The following USH2A variants were observed in gnomAD, a reference collection of about 807,000 sequenced individuals.
USH2A encodes the protein usherin.
Under a neutral mutation model 538.9 loss-of-function variants are expected in USH2A, and 443 were observed. The ratio of observed to expected loss-of-function variants is 0.82; its 90% confidence interval spans 0.76 to 0.89. The LOEUF is 0.89. Among genes scored for constraint, USH2A ranks in the 40% least tolerant of loss-of-function variants. The probability of loss-of-function intolerance (pLI) is 0.00; values close to 1 mark genes in which losing one functional copy is unlikely to be tolerated. For missense variants in USH2A, 6,633 were observed against 6,324.8 expected, an observed-to-expected ratio of 1.05 and a Z score of -1.65; for synonymous variants, 2,413 against 2,273.5, an observed-to-expected ratio of 1.06 and a Z score of -1.75.
At chr1:215,972,706 T>C (rs2102460059) in intron 35 of USH2A, among the ~76,000 whole-genome samples, 1 of 152,314 alleles carries the variant, frequency 6.6e-6, no homozygotes, top group East Asian at 1.9e-4. Context: ...TAGTTTACCA[T>C]TCTGATAAGT....
At chr1:216,007,032 G>C (rs1668409617) in intron 32 of USH2A, among the ~76,000 whole-genome samples, 1 of 152,118 alleles carries the variant, frequency 6.6e-6, no homozygotes, top group South Asian at 2.1e-4. Context: ...TCCCCCTTCT[G>C]TTCTCATGGT....
chr1:215,784,352 C>G (rs1661731009), intron 52 of USH2A, among the ~76,000 whole-genome samples: 1 of 152,182 alleles, frequency 6.6e-6, no homozygotes, highest in Admixed American at 6.5e-5. Context: ...TCTACCTACC[C>G]TCAGATGGTC....
At chr1:216,253,060 C>T (rs1279903921) in intron 11 of USH2A, among the ~76,000 whole-genome samples, 4 of 151,330 alleles carry the variant, frequency 2.6e-5, no homozygotes, top group Non-Finnish European at 4.4e-5. Context: ...TACATGTAAA[C>T]AATACTTTTT....
At position 216,246,997 on chromosome 1, in the gene USH2A, T is replaced by C. The variant is rs1269352604; in HGVS notation, c.2397A>G (p.Thr799=). The change falls in exon 13 of 72, where the codon ACA becomes ACG. Residue 799 remains threonine, a synonymous_variant. Coordinates refer to ENST00000307340, the MANE Select transcript of USH2A (RefSeq NM_206933.4). ...VTNCKACDCD[T]AGSLPGTVCN... Reference sequence around the variant, plus strand: ...AGACAGTCCCAGGGAGGGATCCAGCTGTGTCACAGTCACAGGCCTTACAAT... The same window carrying C: ...AGACAGTCCCAGGGAGGGATCCAGCCGTGTCACAGTCACAGGCCTTACAAT... 1 of 1,614,108 alleles carries C rather than the reference T, an allele frequency of 6.2e-7. No homozygotes were observed. Among genetic ancestry groups the C allele is most frequent in the East Asian group, 2.2e-5 (1 of 44,848 alleles).
At chr1:215,713,724 T>C (rs1004052649) in intron 61 of USH2A, among the ~76,000 whole-genome samples, 1 of 152,268 alleles carries the variant, frequency 6.6e-6, no homozygotes, top group Admixed American at 6.5e-5. Flanking sequence ...TTGTTTTCTA[T>C]ATTTATACTA....
intron 3 of USH2A, among the ~76,000 whole-genome samples, chr1:216,404,702 G>A (rs528562205): frequency 7.0e-6 from 1 of 142,936 alleles, no homozygotes; most frequent in East Asian, 2.2e-4. Flanking sequence ...GCTCACAGCA[G>A]CCTCAACTTC....
chr1:215,639,874 C>T (rs1656618499), intron 68 of USH2A, among the ~76,000 whole-genome samples: 1 of 152,208 alleles, frequency 6.6e-6, no homozygotes, highest in South Asian at 2.1e-4. Flanking sequence ...TGCTGGAGCT[C>T]ACTGTTTACC....
chr1:215,796,580 G>C (rs551118645), intron 50 of USH2A, among the ~76,000 whole-genome samples: 1 of 152,036 alleles, frequency 6.6e-6, no homozygotes, highest in Admixed American at 6.6e-5. Flanking sequence ...CAGACCAGCC[G>C]TTCCTTTATC....
intron 21 of USH2A, among the ~76,000 whole-genome samples, chr1:216,117,043 A>AC (rs1357394225): frequency 7.2e-5 from 11 of 152,092 alleles, no homozygotes; most frequent in South Asian, 2.1e-4. Context: ...TACCTCTCTT[A>AC]CCCCAGGCTA....
At chr1:216,310,023 C>A (rs2037390464) in intron 9 of USH2A, among the ~76,000 whole-genome samples, 2 of 151,936 alleles carry the variant, frequency 1.3e-5, no homozygotes, top group Non-Finnish European at 2.9e-5. Context: ...CTTGTAATTT[C>A]TTTGTCTGAT....
At position 216,212,453 on chromosome 1, in the gene USH2A, A is replaced by G. The variant is rs553731010; in HGVS notation, c.3157+4934T>C. 2.6e-5 allele frequency among the ~76,000 whole-genome samples: 4 copies of G among 152,294 alleles called. No homozygotes were observed. The East Asian group carries it at 7.7e-4, about 29-fold the overall frequency. The stretch of plus-strand genomic sequence containing the variant: ...ACATATTCACTCATCAAAATTGCCA[A>G]GAATGGTCTTTGCATATGCCAGACT... On this transcript the variant is annotated intron_variant, in intron 15 of 71. Transcript: ENST00000307340.
chr1:216,407,781 T>G lies in USH2A; in HGVS notation c.651+10733A>C, dbSNP rs146387547. 3.3e-3 allele frequency among the ~76,000 whole-genome samples: 497 copies of G among 152,290 alleles called. 3 individuals carry two copies. Among genetic ancestry groups the G allele is most frequent in the African/African-American group, 0.011 (471 of 41,576 alleles). On this transcript the variant is annotated intron_variant, in intron 3 of 71. Transcript: ENST00000307340. The stretch of plus-strand genomic sequence containing the variant: ...AAAGCAAAAATAATTTAAGTCTTAT[T>G]GTATTTGGCTTTTAGGTGAAAATGA...
intron 51 of USH2A, among the ~76,000 whole-genome samples, chr1:215,787,449 T>C (rs772155837): frequency 6.6e-6 from 1 of 152,162 alleles, no homozygotes; most frequent in Non-Finnish European, 1.5e-5. Flanking sequence ...GTCATTGTAA[T>C]TATAATTATT....
intron 15 of USH2A, among the ~76,000 whole-genome samples, chr1:216,216,504 G>T (rs143595577): frequency 1.3e-5 from 2 of 152,000 alleles, no homozygotes; most frequent in Non-Finnish European, 2.9e-5. Flanking sequence ...CATGACTTGT[G>T]GCGTTTCCTA....
intron 11 of USH2A, among the ~76,000 whole-genome samples, chr1:216,267,826 C>A (rs1260782646): frequency 6.6e-6 from 1 of 152,098 alleles, no homozygotes. Context: ...CCTTTTGCAC[C>A]TTTACATCAT....
At chr1:216,017,087 C>T (rs1668729717) in intron 32 of USH2A, among the ~76,000 whole-genome samples, 1 of 151,992 alleles carries the variant, frequency 6.6e-6, no homozygotes, top group Non-Finnish European at 1.5e-5. Context: ...AAATATTGAA[C>T]CCAGGATTTT....
chr1:215,748,679 G>A (rs1187246423), intron 58 of USH2A, among the ~76,000 whole-genome samples: 1 of 152,178 alleles, frequency 6.6e-6, no homozygotes, highest in Non-Finnish European at 1.5e-5. Context: ...AGTGGTGTCA[G>A]ATAGATCAAA....
chr1:216,242,688 T>C (rs2035962343), intron 13 of USH2A, among the ~76,000 whole-genome samples: 1 of 152,266 alleles, frequency 6.6e-6, no homozygotes, highest in Non-Finnish European at 1.5e-5. Context: ...TTGTACAATA[T>C]AAACATGGCT....
chr1:216,103,890 T>A (rs2032657169), intron 21 of USH2A, among the ~76,000 whole-genome samples: 1 of 152,154 alleles, frequency 6.6e-6, no homozygotes, highest in Non-Finnish European at 1.5e-5. Flanking sequence ...ATTGGTCAAA[T>A]TAAAAACACC....
Sources: allele counts gnomAD v4.1 joint callset (sites outside exome capture counted in the v4.1 genomes callset), GRCh38; gene constraint gnomAD v4.1.1; transcripts MANE v1.5; gene names NCBI Gene and HGNC (gene_info 2026-07-23, HGNC 2026-07-21).